The following WDHD1 variants were observed in gnomAD, a reference collection of about 807,000 sequenced individuals.
WDHD1 encodes WD repeat and HMG-box DNA-binding protein 1.
Under a neutral mutation model 135.4 loss-of-function variants are expected in WDHD1, and 111 were observed. The ratio of observed to expected loss-of-function variants is 0.82; its 90% confidence interval spans 0.70 to 0.96. The LOEUF (loss-of-function observed/expected upper bound fraction) is 0.96. Among genes scored for constraint, WDHD1 ranks in the 40% least tolerant of loss-of-function variants. The pLI, the probability that WDHD1 is intolerant of heterozygous loss-of-function variation, is 0.00. For missense variants in WDHD1, 1,351 were observed against 1,336.3 expected, an observed-to-expected ratio of 1.01 and a Z score of -0.17; for synonymous variants, 434 against 439.0, an observed-to-expected ratio of 0.99 and a Z score of 0.14.
chr14:54,974,732 C>T (rs111552243), intron 16 of WDHD1, among the ~76,000 whole-genome samples: 3 of 152,150 alleles, frequency 2.0e-5, no homozygotes, highest in African/African-American at 4.8e-5. Flanking sequence ...GAGGCTGAGG[C>T]ATAAGAATCA....
chr14:54,948,345 C>A (rs1434920394), intron 24 of WDHD1, among the ~76,000 whole-genome samples: 1 of 152,132 alleles, frequency 6.6e-6, no homozygotes, highest in Admixed American at 6.5e-5. Context: ...ATTGGGTCAC[C>A]CCCACCCTAA....
intron 16 of WDHD1, among the ~76,000 whole-genome samples, chr14:54,975,171 GTC>G (rs2041505381): frequency 6.6e-6 from 1 of 152,136 alleles, no homozygotes; most frequent in African/African-American, 2.4e-5. Context: ...AAGAAAGAAG[GTC>G]TCTGTTGGTA....
Position 54,966,505 on chromosome 14 carries a change from C to T in WDHD1, c.2280G>A (p.Glu760=), listed in dbSNP as rs775249146. 1.9e-6 allele frequency: 3 copies of T among 1,603,832 alleles called. No individual in the cohort carries two copies. Among genetic ancestry groups the T allele is most frequent in the East Asian group, 4.5e-5 (2 of 44,782 alleles). The change falls in exon 18 of 26, where the codon GAG becomes GAA. Residue 760 remains glutamate, a synonymous_variant. Coordinates refer to ENST00000360586, the MANE Select transcript of WDHD1 (RefSeq NM_007086.4). ...EESTKNQATK[E]QQELLMKMLA... is the part of the protein sequence containing the mutation. ...GCATTTTCATTAAAAGTTCCTGTTGCTCTTTTGTTGCTTGATTTTTAGTGC... is the reference window on the plus strand; with the variant it reads ...GCATTTTCATTAAAAGTTCCTGTTGTTCTTTTGTTGCTTGATTTTTAGTGC...
chr14:54,967,494 T>C, intron 16 of WDHD1, 100 bp from the exon 17 acceptor site: 1 of 705,816 alleles, frequency 1.4e-6, no homozygotes, highest in South Asian at 1.9e-5. Flanking sequence ...AGAATAGTAA[T>C]ATTATAATAG....
chr14:55,022,763 G>C (rs2042370907), intron 2 of WDHD1, among the ~76,000 whole-genome samples: 1 of 151,652 alleles, frequency 6.6e-6, no homozygotes, highest in Non-Finnish European at 1.5e-5. Context: ...TGGTGTCTGG[G>C]AATCTGCTGT....
At chr14:54,949,695 A>G (rs2041007061) in intron 24 of WDHD1, among the ~76,000 whole-genome samples, 1 of 152,206 alleles carries the variant, frequency 6.6e-6, no homozygotes, top group Non-Finnish European at 1.5e-5. Flanking sequence ...CAAGACACAT[A>G]ATTGTCAGAT....
rs950663191 is a variant in WDHD1, at chr14:54,982,014, A to AT, written c.1907-319dup. Among the ~76,000 whole-genome samples the AT allele has an allele frequency of 3.4e-3, 500 of 149,196 alleles. 1 individual carries two copies. The highest frequency in any genetic ancestry group is 0.012 in the African/African-American group (479 of 40,798). The stretch of plus-strand genomic sequence containing the variant: ...ATTTATTTATTTATTTATTATTATT[A>AT]TTTTTTTTTTCGAGATGGAGTCTTG... On this transcript the variant is annotated intron_variant, in intron 15 of 25. Coordinates refer to ENST00000360586, the MANE Select transcript of WDHD1 (RefSeq NM_007086.4).
chr14:54,960,469 G>A (rs558915151), intron 21 of WDHD1, among the ~76,000 whole-genome samples: 4 of 150,120 alleles, frequency 2.7e-5, no homozygotes, highest in Non-Finnish European at 5.9e-5. Context: ...CGCCCAGCTT[G>A]TAGTCTCTTT....
chr14:55,002,054 C>T, intron 8 of WDHD1, 39 bp downstream of exon 8: 1 of 1,437,178 alleles, frequency 7.0e-7, no homozygotes, highest in Middle Eastern at 1.8e-4. Context: ...ATTAACTGCT[C>T]CTTATAGCCC....
At chr14:55,004,912 G>A in intron 7 of WDHD1, 1 of 526,682 alleles carries the variant, frequency 1.9e-6, no homozygotes. Flanking sequence ...CAGTTTTCAG[G>A]AGGGAACTGC....
rs907332276 is a variant in WDHD1 at position 54,940,854 on chromosome 14, G to A, written c.*636C>T. On this transcript the variant is annotated 3_prime_UTR_variant, in exon 26 of 26. Coordinates refer to ENST00000360586, the MANE Select transcript of WDHD1 (RefSeq NM_007086.4). The stretch of plus-strand genomic sequence containing the variant: ...TATTTTCTAGAAATATATCCATTTC[G>A]TGGAAAGATAATATTAAGACCATAT... 6 of 152,178 alleles carry A rather than the reference G, an allele frequency of 3.9e-5. No individual in the cohort carries two copies. The highest frequency in any genetic ancestry group is 4.2e-4 in the South Asian group (2 of 4,818). 9.4% of individuals were successfully genotyped at this position (152,178 alleles called of 1,614,324 possible). A position where few individuals can be genotyped will look rare whatever the true frequency, so the allele number is the denominator to read the frequency against.
intron 7 of WDHD1, among the ~76,000 whole-genome samples, chr14:55,003,248 G>A (rs2042004279): frequency 6.6e-6 from 1 of 152,004 alleles, no homozygotes; most frequent in Admixed American, 6.6e-5. Flanking sequence ...GGTAGCTCAG[G>A]CCTATAATCT....
intron 10 of WDHD1, among the ~76,000 whole-genome samples, chr14:54,998,728 C>T (rs897470748): frequency 6.6e-6 from 1 of 152,082 alleles, no homozygotes; most frequent in Admixed American, 6.6e-5. Context: ...CCACCCCAAC[C>T]GCCATGCTTG....
intron 16 of WDHD1, among the ~76,000 whole-genome samples, chr14:54,981,189 T>C (rs972557215): frequency 1.8e-5 from 2 of 112,474 alleles, no homozygotes; most frequent in South Asian, 2.5e-4. Flanking sequence ...CAATTCTCAA[T>C]TGAATATATA....
At chr14:54,995,204 C>A (rs1159399533) in intron 11 of WDHD1, among the ~76,000 whole-genome samples, 1 of 152,142 alleles carries the variant, frequency 6.6e-6, no homozygotes, top group Non-Finnish European at 1.5e-5. Context: ...TGGTCTTGAA[C>A]TCCTGACCTC....
chr14:55,010,265 T>C, intron 4 of WDHD1, 44 bp downstream of exon 4: 1 of 1,462,568 alleles, frequency 6.8e-7, no homozygotes, highest in Non-Finnish European at 9.1e-7. Flanking sequence ...AACAAGGCCT[T>C]TTGTTCTAAC....
At chr14:55,015,379 C>CAAAA (rs60609405) in intron 2 of WDHD1, among the ~76,000 whole-genome samples, 1 of 54,434 alleles carries the variant, frequency 1.8e-5, no homozygotes, top group African/African-American at 8.3e-5. Flanking sequence ...GACACTGTCT[C>CAAAA]AAAAAAAAAA....
At chr14:55,009,757 T>C (rs978803320) in intron 4 of WDHD1, among the ~76,000 whole-genome samples, 2 of 151,702 alleles carry the variant, frequency 1.3e-5, no homozygotes, top group African/African-American at 4.8e-5. Flanking sequence ...AAATTTTCCA[T>C]CAAGCTATGC....
chr14:54,995,188 C>A (rs1366173400), intron 11 of WDHD1, among the ~76,000 whole-genome samples: 1 of 152,088 alleles, frequency 6.6e-6, no homozygotes, highest in Non-Finnish European at 1.5e-5. Context: ...ACCATGTTGG[C>A]CAGGCTGGTC....
Sources: gnomAD v4.1 joint callset for allele counts (sites outside exome capture counted in the v4.1 genomes callset) on GRCh38, gnomAD v4.1.1 for gene constraint, MANE v1.5 for transcripts, NCBI Gene and HGNC (gene_info 2026-07-23, HGNC 2026-07-21) for gene names.